HMBOX1: variants seen among roughly 807,000 people sequenced by gnomAD.
The protein encoded by HMBOX1 is homeobox-containing protein 1.
HMBOX1 carries 14 observed loss-of-function variants against 54.5 expected under a neutral mutation model. The ratio of observed to expected loss-of-function variants is 0.26; its 90% CI spans 0.17 to 0.40. The LOEUF (loss-of-function observed/expected upper bound fraction) is 0.40. Among genes scored for constraint, HMBOX1 ranks in the 10% least tolerant of loss-of-function variants. The pLI is 1.00. For synonymous variants in HMBOX1, 160 were observed against 181.0 expected (o/e 0.88, Z 0.93); for missense variants, 332 against 514.4 (o/e 0.65, Z 3.43).
intron 2 of HMBOX1, among the ~76,000 whole-genome samples, chr8:28,964,548 A>T (rs1214164604): frequency 1.3e-5 from 2 of 152,216 alleles, no homozygotes; most frequent in Non-Finnish European, 2.9e-5. Context: ...CTATTAGCTC[A>T]TTAAGTGCAT....
At chr8:28,900,376 T>A (rs1011674375) in intron 1 of HMBOX1, among the ~76,000 whole-genome samples, 8 of 151,034 alleles carry the variant, frequency 5.3e-5, no homozygotes, top group Non-Finnish European at 1.5e-5. Context: ...ATCAGGTAAT[T>A]CTAATTGGTA....
intron 4 of HMBOX1, among the ~76,000 whole-genome samples, chr8:28,987,034 T>C (rs1260532016): frequency 6.6e-6 from 1 of 152,174 alleles, no homozygotes; most frequent in African/African-American, 2.4e-5. Flanking sequence ...AGGGCTTCAG[T>C]CATCTCAAAT....
In HMBOX1 at chr8:29,047,372, G is replaced by A; in HGVS notation, c.949G>A (p.Asp317Asn). Reference protein sequence around the residue: ...VIQKPGKKLSDLERVTSLKVY... With the variant: ...VIQKPGKKLSNLERVTSLKVY... ...TGTATTCACAGGCAAAAAGCTGTCA[G>A]ATCTGGAAAGAGTTACCTCCCTGAA... Residue 317 changes from aspartate to asparagine, a missense_variant, in exon 8 of 10, where the codon GAT (aspartate) becomes AAT (asparagine). Transcript: ENST00000287701. 1 of 1,605,650 alleles carries A rather than the reference G, an allele frequency of 6.2e-7. No individual in the cohort carries two copies. Among genetic ancestry groups the A allele is most frequent in the Non-Finnish European group, 8.5e-7 (1 of 1,172,432 alleles).
chr8:28,910,807 T>G (rs1815271385), intron 1 of HMBOX1, among the ~76,000 whole-genome samples: 1 of 152,218 alleles, frequency 6.6e-6, no homozygotes. Context: ...TATTTTCTCC[T>G]AACCCTTGTC....
chr8:29,023,261 A>T (rs1801476710), intron 6 of HMBOX1, among the ~76,000 whole-genome samples: 1 of 152,336 alleles, frequency 6.6e-6, no homozygotes, highest in South Asian at 2.1e-4. Context: ...ATGTTTGCAT[A>T]GAGATAGAAA....
intron 8 of HMBOX1, among the ~76,000 whole-genome samples, chr8:29,048,158 AT>A (rs1487138837): frequency 6.6e-6 from 1 of 152,210 alleles, no homozygotes; most frequent in Non-Finnish European, 1.5e-5. Context: ...CAATTGATTA[AT>A]GGTTTGGAAT....
At chr8:28,974,400 A>G (rs1828033793) in intron 3 of HMBOX1, among the ~76,000 whole-genome samples, 1 of 152,194 alleles carries the variant, frequency 6.6e-6, no homozygotes, top group Admixed American at 6.5e-5. Context: ...CTGCTAATAT[A>G]GCATATAGAT....
chr8:28,933,970 A>G lies in HMBOX1; in HGVS notation c.-57-29841A>G, dbSNP rs191425751. On this transcript the variant is annotated intron_variant, in intron 1 of 9. Coordinates refer to ENST00000287701, the MANE Select transcript of HMBOX1 (RefSeq NM_001135726.3). ...AGAGAAAGGTAACACTTCTCAACTCATGAGGCCAGCATTACTAGAATGCTA... is the reference window on the plus strand; with the variant it reads ...AGAGAAAGGTAACACTTCTCAACTCGTGAGGCCAGCATTACTAGAATGCTA... Among the ~76,000 whole-genome samples, 8 of 152,358 alleles carry G rather than the reference A, an allele frequency of 5.3e-5. No homozygotes were observed. The East Asian group carries it at 1.5e-3, about 29-fold the overall frequency.
chr8:28,966,202 GT>G (rs1373843023), intron 2 of HMBOX1, among the ~76,000 whole-genome samples: 2 of 152,148 alleles, frequency 1.3e-5, no homozygotes, highest in Non-Finnish European at 2.9e-5. Flanking sequence ...TCCAAGAAGG[GT>G]TTAGGTACAT....
At chr8:28,994,768 A>G (rs1213981591) in intron 4 of HMBOX1, among the ~76,000 whole-genome samples, 1 of 152,242 alleles carries the variant, frequency 6.6e-6, no homozygotes, top group East Asian at 1.9e-4. Flanking sequence ...ATGAAAAATG[A>G]CAAATAACCT....
Position 28,986,851 on chromosome 8 carries a change from A to G in HMBOX1, c.586+6695A>G, listed in dbSNP as rs111655994. Among the ~76,000 whole-genome samples, 487 of 152,190 alleles carry G rather than the reference A, an allele frequency of 3.2e-3. 2 individuals carry two copies. The highest frequency in any genetic ancestry group is 4.1e-3 in the Non-Finnish European group (276 of 67,954). On this transcript the variant is annotated intron_variant, in intron 4 of 9. Coordinates refer to ENST00000287701, the MANE Select transcript of HMBOX1 (RefSeq NM_001135726.3). ...ATTTTCTTTTAAACATAATACATGA[A>G]GTTACTTTTTTTTCCCCTCAGGAAA...
At chr8:28,940,534 G>A (rs1449005849) in intron 1 of HMBOX1, among the ~76,000 whole-genome samples, 1 of 152,178 alleles carries the variant, frequency 6.6e-6, no homozygotes, top group Non-Finnish European at 1.5e-5. Flanking sequence ...GTAGAAATAT[G>A]TATGTTCTTT....
chr8:29,026,429 A>T (rs1369420680), intron 6 of HMBOX1, among the ~76,000 whole-genome samples: 1 of 152,114 alleles, frequency 6.6e-6, no homozygotes, highest in Non-Finnish European at 1.5e-5. Context: ...GAAGATTTGT[A>T]AAATCAGTTG....
At chr8:28,958,030 C>T (rs954982796) in intron 1 of HMBOX1, among the ~76,000 whole-genome samples, 1 of 152,164 alleles carries the variant, frequency 6.6e-6, no homozygotes, top group African/African-American at 2.4e-5. Flanking sequence ...AAATCTCTTT[C>T]CCATTCTTTT....
At chr8:28,939,499 T>C (rs975993204) in intron 1 of HMBOX1, among the ~76,000 whole-genome samples, 2 of 151,830 alleles carry the variant, frequency 1.3e-5, no homozygotes, top group Admixed American at 1.3e-4. Context: ...GTTTTTTGTT[T>C]AGTTTAGTTT....
At chr8:28,923,216 T>C (rs181761429) in intron 1 of HMBOX1, among the ~76,000 whole-genome samples, 179 of 152,352 alleles carry the variant, frequency 1.2e-3, no homozygotes, top group African/African-American at 4.1e-3. Flanking sequence ...ACTGCAGGTC[T>C]ACTTTCTGTT....
intron 1 of HMBOX1, among the ~76,000 whole-genome samples, chr8:28,904,200 C>G: frequency 6.6e-6 from 1 of 151,086 alleles, no homozygotes; most frequent in Admixed American, 6.6e-5. Flanking sequence ...ACCTTAAGGA[C>G]ATTTGTAATC....
intron 4 of HMBOX1, among the ~76,000 whole-genome samples, chr8:28,991,892 T>G (rs1831033789): frequency 2.0e-5 from 3 of 152,314 alleles, no homozygotes; most frequent in Admixed American, 2.0e-4. Context: ...GTTTGTATTT[T>G]TAGCTATAAC....
chr8:28,998,281 T>C (rs1372154529), intron 4 of HMBOX1, among the ~76,000 whole-genome samples: 4 of 152,218 alleles, frequency 2.6e-5, no homozygotes. Flanking sequence ...ATTGTTGAAT[T>C]ATCTCTTTCT....
Sources: allele counts gnomAD v4.1 joint callset (sites outside exome capture counted in the v4.1 genomes callset), GRCh38; gene constraint gnomAD v4.1.1; transcripts MANE v1.5; gene names NCBI Gene and HGNC (gene_info 2026-07-23, HGNC 2026-07-21).